SMARCA4: variants seen among roughly 807,000 people sequenced by gnomAD.
The protein encoded by SMARCA4 is SWI/SNF-related matrix-associated actin-dependent regulator of chromatin subfamily A member 4.
Under a neutral mutation model 193.9 loss-of-function variants are expected in SMARCA4, and 31 were observed. That is an observed-to-expected ratio of 0.16 (90% CI 0.12 to 0.22). The LOEUF (loss-of-function observed/expected upper bound fraction) is 0.22, where lower values mean the gene tolerates loss of function less well. SMARCA4 is among the 10% of genes least tolerant of loss of function. The probability of loss-of-function intolerance (pLI) is 1.00; values close to 1 mark genes in which losing one functional copy is unlikely to be tolerated. For missense variants in SMARCA4, 1,148 were observed against 2,296.0 expected (o/e 0.50, Z 10.22); for synonymous variants, 942 against 933.1 (o/e 1.01, Z -0.17).
intron 9 of SMARCA4, 42 bp from the exon 10 acceptor site, chr19:10,996,171 A>G: frequency 1.2e-6 from 2 of 1,608,576 alleles, no homozygotes; most frequent in Non-Finnish European, 1.7e-6. Flanking sequence ...ACAGACATGC[A>G]CATTGTGCCA....
Position 11,034,616 on chromosome 19 carries a change from T to C in SMARCA4, c.3952-298T>C, listed in dbSNP as rs1413696145. Among the ~76,000 whole-genome samples the C allele has an allele frequency of 6.6e-6, 1 of 152,096 alleles. No homozygotes were observed. Among genetic ancestry groups the C allele is most frequent in the East Asian group, 1.9e-4 (1 of 5,148 alleles). On this transcript the variant is annotated intron_variant, in intron 28 of 34. Coordinates refer to ENST00000344626, the MANE Select transcript of SMARCA4 (RefSeq NM_003072.5). This position sits in a 1 kb window ranked among gnomAD's most constrained non-coding sequence, Gnocchi z 7.0. The stretch of plus-strand genomic sequence containing the variant: ...GGGGCCCCTTGGCCCGCAGGCCTCA[T>C]GCCTCCACCAACGCTGGGCCACGCA...
rs751791309 is a variant in SMARCA4, at chr19:10,987,678, A to G, written c.872A>G (p.Asn291Ser). The G allele has an allele frequency of 6.2e-7, 1 of 1,613,034 alleles. No homozygotes were observed. The highest frequency in any genetic ancestry group is 8.5e-7 in the Non-Finnish European group (1 of 1,179,804). ...PKPWPEGPMA[N>S]AAAPTSTPQK... ...TGCCTTCTCCCAGGACCCATGGCGAATGCTGCTGCCCCCACGAGCACCCCT... is the reference window on the plus strand; with the variant it reads ...TGCCTTCTCCCAGGACCCATGGCGAGTGCTGCTGCCCCCACGAGCACCCCT... The change falls in exon 6 of 35, where the codon AAT (asparagine) becomes AGT (serine). Residue 291 changes from asparagine (N) to serine (S), a missense_variant. Asn to Ser is a conservative substitution (Grantham distance 46). This residue lies in a region of SMARCA4 where 257 missense variants were observed against 276.5 expected (regional missense o/e 0.93). Coordinates refer to ENST00000344626, the MANE Select transcript of SMARCA4 (RefSeq NM_003072.5). This position sits in a 1 kb window ranked among gnomAD's most constrained non-coding sequence, Gnocchi z 5.3.
In SMARCA4 at chr19:11,010,365, T is replaced by C. The variant is rs2146232400; in HGVS notation, c.2124-16T>C. The C allele has an allele frequency of 6.2e-7, 1 of 1,613,690 alleles. No individual in the cohort carries two copies. The highest frequency in any genetic ancestry group is 1.1e-5 in the South Asian group (1 of 91,082). ...GGAATGTGTGTCCTTACCCGGCACC[T>C]CCATCTCACTCCCAGGAATGCCAAG... On this transcript the variant is annotated splice_polypyrimidine_tract_variant and intron_variant, in intron 14 of 34. Coordinates refer to ENST00000344626, the MANE Select transcript of SMARCA4 (RefSeq NM_003072.5).
In SMARCA4 at chr19:10,986,424, C is replaced by T. The variant is rs572753619; in HGVS notation, c.591C>T (p.Pro197=). The T allele has an allele frequency of 4.3e-5, 67 of 1,575,614 alleles. No homozygotes were observed. The highest frequency in any genetic ancestry group is 1.6e-4 in the East Asian group (7 of 42,890). Residue 197 remains proline (P), a synonymous_variant, in exon 4 of 35, where the codon CCC becomes CCT. Coordinates refer to ENST00000344626, the MANE Select transcript of SMARCA4 (RefSeq NM_003072.5). The surrounding 1 kb of genome is among the most constrained non-coding windows in gnomAD (Gnocchi z 6.7). ...YKMLARGQPL[P]DHLQMAVQGK... ...TGCTGGCCAGGGGGCAGCCCCTCCC[C>T]GACCACCTGCAGATGGCGGTGCAGG...
chr19:10,979,203 G>A (rs1316689850), intron 1 of SMARCA4, among the ~76,000 whole-genome samples: 1 of 151,826 alleles, frequency 6.6e-6, no homozygotes, highest in African/African-American at 2.4e-5. Context: ...TGGAAAACTA[G>A]CAAAGCTAAG....
Position 10,987,582 on chromosome 19 carries a change from C to G in SMARCA4, c.860-84C>G. 4.6e-6 allele frequency: 7 copies of G among 1,527,396 alleles called. No homozygotes were observed. The highest frequency in any genetic ancestry group is 3.4e-5 in the Admixed American group (2 of 59,520). 94.6% of individuals were successfully genotyped at this position (1,527,396 alleles called of 1,614,324 possible). A position where few individuals can be genotyped will look rare whatever the true frequency, so the allele number is the denominator to read the frequency against. ...CGGGGTCTGCCTGTCCCCAGTGCCT[C>G]AAGCAGCTCAGCAGCTTTCCATTTC... On this transcript the variant is annotated intron_variant, in intron 5 of 34. Transcript: ENST00000344626. The surrounding 1 kb of genome is among the most constrained non-coding windows in gnomAD (Gnocchi z 5.3).
rs1364621040 is a variant in SMARCA4 at position 11,019,510 on chromosome 19, TTGCAGGGGGTGCC to T, written c.2506-78_2506-66del. On this transcript the variant is annotated intron_variant, in intron 17 of 34. Coordinates refer to ENST00000344626, the MANE Select transcript of SMARCA4 (RefSeq NM_003072.5). The surrounding 1 kb of genome is among the most constrained non-coding windows in gnomAD (Gnocchi z 6.1). The stretch of plus-strand genomic sequence containing the variant: ...GCCCTCCCGCCGTGTCACTGGGCAG[TTGCAGGGGGTGCC>T]TGTGCCCCTCTTGCCACCTGGCCAC... 4.1e-5 allele frequency: 34 copies of T among 839,056 alleles called. No homozygotes were observed. The East Asian group carries it at 8.2e-4, about 20-fold the overall frequency. The allele number at this position is 839,056 out of a possible 1,614,324, so 52.0% of individuals were successfully genotyped here. A position where few individuals can be genotyped will look rare whatever the true frequency, so the allele number is the denominator to read the frequency against.
Position 11,010,490 on chromosome 19 carries a change from C to T in SMARCA4, c.2233C>T (p.Gln745Ter), listed in dbSNP as rs2146237729. 1 of 1,614,060 alleles carries T rather than the reference C, an allele frequency of 6.2e-7. No homozygotes were observed. The highest frequency in any genetic ancestry group is 1.6e-4 in the Middle Eastern group (1 of 6,062). Residue 745 changes from glutamine (Q) to a stop codon, truncating the protein, a stop_gained, in exon 15 of 35, where the codon CAG becomes TAG. Transcript: ENST00000344626. LOFTEE classifies it high-confidence loss of function. ...TGCTGTCACTGAGAGAGTGGACAAG[C>T]AGTCAGCGCTTATGGTCAATGGTGT... ...AHAVTERVDKQSALMVNGVLK... is the reference protein window; with the variant it reads ...AHAVTERVDK
intron 29 of SMARCA4, 42 bp downstream of exon 29, chr19:11,035,174 C>G (rs760088595): frequency 6.4e-7 from 1 of 1,569,280 alleles, no homozygotes; most frequent in African/African-American, 1.4e-5. Flanking sequence ...AGGCCAGCGC[C>G]AGGCAGGGCT....
Position 11,061,665 on chromosome 19 carries a change from C to T in SMARCA4, c.4912-119C>T, listed in dbSNP as rs1376566668. 7.3e-5 allele frequency: 73 copies of T among 1,002,496 alleles called. 2 individuals are homozygous for T. The highest frequency in any genetic ancestry group is 6.0e-4 in the South Asian group (47 of 78,758). 62.1% of individuals were successfully genotyped at this position (1,002,496 alleles called of 1,614,324 possible). A position where few individuals can be genotyped will look rare whatever the true frequency, so the allele number is the denominator to read the frequency against. On this transcript the variant is annotated intron_variant, in intron 34 of 34. Transcript: ENST00000344626. ...TGCTGGGATTACGGGCGTGAGCCAC[C>T]GTGCCCGGCCCACATCAGTGTTTTC...
intron 30 of SMARCA4, among the ~76,000 whole-genome samples, chr19:11,052,761 C>T (rs2076331915): frequency 6.6e-6 from 1 of 152,206 alleles, no homozygotes; most frequent in Admixed American, 6.5e-5. Flanking sequence ...AGACAGTGGC[C>T]ATGGGCCTCC....
chr19:11,012,097 C>T (rs929570422), intron 15 of SMARCA4: 4 of 152,242 alleles, frequency 2.6e-5, no homozygotes, highest in African/African-American at 4.8e-5. Context: ...CTTGGCTAGG[C>T]GCAGTGGCTC....
At chr19:10,996,017 C>T (rs776992670) in intron 9 of SMARCA4, 196 bp from the exon 10 acceptor site, 2 of 678,702 alleles carry the variant, frequency 2.9e-6, no homozygotes, top group Non-Finnish European at 5.4e-6. Flanking sequence ...TAGCGGGTGC[C>T]CTTGGAACCT....
chr19:11,037,505 T>C (rs1252126955), intron 29 of SMARCA4, among the ~76,000 whole-genome samples: 1 of 152,218 alleles, frequency 6.6e-6, no homozygotes, highest in East Asian at 1.9e-4. Flanking sequence ...ATTTAAAATA[T>C]ATTTATCTTA....
chr19:10,979,455 C>T (rs551847152), intron 1 of SMARCA4, among the ~76,000 whole-genome samples: 70 of 148,664 alleles, frequency 4.7e-4, no homozygotes, highest in Middle Eastern at 6.8e-3. Flanking sequence ...CTGTTGCCCA[C>T]GATCATGGCT....
intron 30 of SMARCA4, among the ~76,000 whole-genome samples, chr19:11,051,091 C>T (rs1035609721): frequency 3.9e-5 from 6 of 152,212 alleles, no homozygotes; most frequent in Non-Finnish European, 7.3e-5. Context: ...ACGCAGCCTG[C>T]GGTCAGGTTC....
intron 16 of SMARCA4, among the ~76,000 whole-genome samples, chr19:11,016,411 G>GA (rs2089367556): frequency 6.6e-6 from 1 of 152,108 alleles, no homozygotes; most frequent in Non-Finnish European, 1.5e-5. Context: ...AGTCTTGCCT[G>GA]AAAAAATAAT....
At chr19:10,994,661 G>A (rs754947930) in intron 8 of SMARCA4, among the ~76,000 whole-genome samples, 167 bp from the exon 9 acceptor site, 6 of 151,712 alleles carry the variant, frequency 4.0e-5, no homozygotes, top group Admixed American at 6.6e-5. Flanking sequence ...GGGTTTCACC[G>A]TGTTAGCCAG....
At chr19:10,973,196 G>T (rs1221196624) in intron 1 of SMARCA4, among the ~76,000 whole-genome samples, 1 of 152,074 alleles carries the variant, frequency 6.6e-6, no homozygotes, top group Non-Finnish European at 1.5e-5. Context: ...CGGTTACTCT[G>T]CGTGTTATGT....
Sources: gnomAD v4.1 joint callset for allele counts (sites outside exome capture counted in the v4.1 genomes callset) on GRCh38, gnomAD v4.1.1 for gene constraint, gnomAD v4.1.1 regional missense constraint, Gnocchi (gnomAD v3.1) non-coding constraint, MANE v1.5 for transcripts, NCBI Gene and HGNC (gene_info 2026-07-23, HGNC 2026-07-21) for gene names.